The following DENND4C variants were observed in gnomAD, a reference collection of about 807,000 sequenced individuals.
The protein encoded by DENND4C is DENN domain containing 4C, also known as DENN domain-containing protein 4C.
DENND4C carries 108 observed loss-of-function variants against 203.0 expected under a neutral mutation model. The ratio of observed to expected loss-of-function variants is 0.53; its 90% confidence interval spans 0.46 to 0.62. DENND4C has a LOEUF of 0.62. DENND4C is among the 20% of genes least tolerant of loss of function. The pLI is 0.00. For synonymous variants in DENND4C, 871 were observed against 792.4 expected, an observed-to-expected ratio of 1.10 and a Z score of -1.67; for missense variants, 2,481 against 2,301.2, an observed-to-expected ratio of 1.08 and a Z score of -1.60.
At chr9:19,334,613 C>A (rs1439977885) in intron 17 of DENND4C, among the ~76,000 whole-genome samples, 1 of 150,356 alleles carries the variant, frequency 6.7e-6, no homozygotes, top group Non-Finnish European at 1.5e-5. Flanking sequence ...ACAACCTCTA[C>A]CTCCTGGCTT....
At chr9:19,317,281 A>G (rs1842018949) in intron 12 of DENND4C, among the ~76,000 whole-genome samples, 1 of 151,748 alleles carries the variant, frequency 6.6e-6, no homozygotes, top group African/African-American at 2.4e-5. Context: ...TGGCTTTCCA[A>G]AATGCTGGGA....
chr9:19,299,311 T>C, intron 8 of DENND4C, 24 bp downstream of exon 8: 2 of 1,491,158 alleles, frequency 1.3e-6, no homozygotes, highest in Non-Finnish European at 1.8e-6. Context: ...TTTAAAATGA[T>C]ATATTTATTC....
At chr9:19,262,815 T>C (rs918762298) in intron 1 of DENND4C, among the ~76,000 whole-genome samples, 37 of 152,224 alleles carry the variant, frequency 2.4e-4, no homozygotes, top group African/African-American at 8.9e-4. Flanking sequence ...GTGATCCACC[T>C]GCCTTGGCCT....
intron 17 of DENND4C, among the ~76,000 whole-genome samples, chr9:19,332,680 A>G (rs1265960866): frequency 6.7e-6 from 1 of 149,602 alleles, no homozygotes; most frequent in Admixed American, 6.6e-5. Context: ...TTATTTTTAA[A>G]GAGATGGAGT....
intron 16 of DENND4C, among the ~76,000 whole-genome samples, chr9:19,330,787 C>G (rs550017214): frequency 5.6e-4 from 85 of 151,956 alleles, no homozygotes; most frequent in Non-Finnish European, 1.1e-3. Flanking sequence ...CGGCAGCTCA[C>G]GTCTATAATC....
chr9:19,291,905 C>G (rs1166680946), intron 5 of DENND4C, among the ~76,000 whole-genome samples: 1 of 152,104 alleles, frequency 6.6e-6, no homozygotes, highest in Non-Finnish European at 1.5e-5. Flanking sequence ...AGGCTACATC[C>G]TAAGAGCTAA....
intron 12 of DENND4C, among the ~76,000 whole-genome samples, chr9:19,322,321 G>C (rs762428917): frequency 2.0e-5 from 3 of 152,178 alleles, no homozygotes; most frequent in Non-Finnish European, 4.4e-5. Context: ...CCAGAGCTGG[G>C]TTATGCTAGG....
Position 19,336,404 on chromosome 9 carries a change from C to T in DENND4C, c.2724C>T (p.Ser908=). Residue 908 remains serine (S), a synonymous_variant, in exon 19 of 33, where the codon TCC becomes TCT. Transcript: ENST00000434457. The part of the protein sequence containing the change: ...LKKTVQRSQV[S]SISALQNVTG... The stretch of plus-strand genomic sequence containing the variant: ...AGACTGTGCAAAGGTCACAGGTCTC[C>T]TCAATATCAGGTAATACATGTGATT... The T allele has an allele frequency of 4.3e-6, 7 of 1,613,026 alleles. No homozygotes were observed. Among genetic ancestry groups the T allele is most frequent in the Non-Finnish European group, 5.9e-6 (7 of 1,179,708 alleles).
chr9:19,243,878 C>A (rs1272224715), intron 1 of DENND4C, among the ~76,000 whole-genome samples: 1 of 152,168 alleles, frequency 6.6e-6, no homozygotes, highest in Non-Finnish European at 1.5e-5. Context: ...GTGGCACAGT[C>A]GTCGCTCACT....
intron 1 of DENND4C, among the ~76,000 whole-genome samples, chr9:19,252,283 G>A (rs921369987): frequency 6.6e-6 from 1 of 152,114 alleles, no homozygotes; most frequent in African/African-American, 2.4e-5. Flanking sequence ...ACTTCCATGA[G>A]AACAGCATGG....
chr9:19,363,832 G>A (rs1443359632), intron 30 of DENND4C, among the ~76,000 whole-genome samples: 2 of 152,016 alleles, frequency 1.3e-5, no homozygotes, highest in Non-Finnish European at 2.9e-5. Context: ...CCAATATGGT[G>A]AAACTCTGTC....
At chr9:19,333,023 T>A (rs1819629657) in intron 17 of DENND4C, among the ~76,000 whole-genome samples, 1 of 150,294 alleles carries the variant, frequency 6.7e-6, no homozygotes, top group Non-Finnish European at 1.5e-5. Context: ...ATATATTTTT[T>A]ATTTATATTT....
At position 19,296,016 on chromosome 9, in the gene DENND4C, A is replaced by C. The variant is rs757443750; in HGVS notation, c.810A>C (p.Gly270=). 2 of 1,612,086 alleles carry C rather than the reference A, an allele frequency of 1.2e-6. No homozygotes were observed. Among genetic ancestry groups the C allele is most frequent in the South Asian group, 2.2e-5 (2 of 90,950 alleles). The change falls in exon 6 of 33, where the codon GGA becomes GGC. Residue 270 remains glycine (G), a synonymous_variant. Coordinates refer to ENST00000434457, the MANE Select transcript of DENND4C (RefSeq NM_001330640.2). The part of the protein sequence containing the change: ...LTGSSAKKVY[G]AAIQFYEPYS... ...ATTCTGTTACTCTTTAGGTATATGG[A>C]GCTGCCATTCAGTTTTATGAACCTT...
chr9:19,304,234 G>C (rs552602129), intron 9 of DENND4C, among the ~76,000 whole-genome samples: 1 of 147,754 alleles, frequency 6.8e-6, no homozygotes, highest in East Asian at 2.0e-4. Flanking sequence ...GCCCAGGCTG[G>C]AGTGCAGTGG....
intron 26 of DENND4C, among the ~76,000 whole-genome samples, chr9:19,353,376 C>G (rs777572719): frequency 2.6e-5 from 4 of 151,936 alleles, no homozygotes; most frequent in Non-Finnish European, 5.9e-5. Flanking sequence ...CACCTTAATC[C>G]TAGCACTTTG....
At chr9:19,257,037 T>G (rs1219662493) in intron 1 of DENND4C, among the ~76,000 whole-genome samples, 1 of 147,168 alleles carries the variant, frequency 6.8e-6, no homozygotes, top group Non-Finnish European at 1.5e-5. Context: ...GCCACTGTAC[T>G]CCAGCCTGGG....
chr9:19,358,142 T>C lies in DENND4C; in HGVS notation c.5142T>C (p.Asn1714=). Residue 1714 remains asparagine (N), a synonymous_variant, in exon 28 of 33, where the codon AAT becomes AAC. Coordinates refer to ENST00000434457, the MANE Select transcript of DENND4C (RefSeq NM_001330640.2). The surrounding 1 kb of genome is among the most constrained non-coding windows in gnomAD (Gnocchi z 4.8). ...FHGISTVSLP[N]SLQEVVDPLG... is the part of the protein sequence containing the mutation. ...GCATCTCAACAGTTAGTCTTCCAAATAGTCTGCAGGAAGTTGTGGTATGTA... is the reference window on the plus strand; with the variant it reads ...GCATCTCAACAGTTAGTCTTCCAAACAGTCTGCAGGAAGTTGTGGTATGTA... 3 of 1,613,598 alleles carry C rather than the reference T, an allele frequency of 1.9e-6. No individual in the cohort carries two copies. Among genetic ancestry groups the C allele is most frequent in the South Asian group, 2.2e-5 (2 of 91,040 alleles).
At chr9:19,325,456 C>G (rs1843568052) in intron 13 of DENND4C, among the ~76,000 whole-genome samples, 1 of 152,180 alleles carries the variant, frequency 6.6e-6, no homozygotes, top group East Asian at 1.9e-4. Context: ...AATATTATGA[C>G]ATTAATTTTT....
chr9:19,279,085 C>CGT (rs1833506017), intron 2 of DENND4C, among the ~76,000 whole-genome samples: 3 of 82,314 alleles, frequency 3.6e-5, no homozygotes, highest in African/African-American at 1.5e-4. Context: ...AATCCCAGCA[C>CGT]TTTGGGAGGC....
Sources: allele counts gnomAD v4.1 joint callset (sites outside exome capture counted in the v4.1 genomes callset), GRCh38; gene constraint gnomAD v4.1.1; non-coding constraint Gnocchi (gnomAD v3.1); transcripts MANE v1.5; gene names NCBI Gene and HGNC (gene_info 2026-07-23, HGNC 2026-07-21).